The following CNTNAP2 variants were observed in gnomAD, a reference collection of about 807,000 sequenced individuals.
CNTNAP2 encodes the protein contactin-associated protein-like 2.
Under a neutral mutation model 155.2 loss-of-function variants are expected in CNTNAP2, and 98 were observed. The observed-to-expected ratio is 0.63, with a 90% CI of 0.54 to 0.75. CNTNAP2 has a LOEUF of 0.75. Ranked by LOEUF, CNTNAP2 falls within the 30% of genes least tolerant of loss-of-function variation. CNTNAP2 has a pLI of 0.00. For missense variants in CNTNAP2, 1,727 were observed against 1,688.1 expected (o/e 1.02, Z -0.40); for synonymous variants, 651 against 631.2 (o/e 1.03, Z -0.47).
At chr7:147,491,424 A>G (rs1287340629) in intron 11 of CNTNAP2, among the ~76,000 whole-genome samples, 1 of 152,108 alleles carries the variant, frequency 6.6e-6, no homozygotes, top group Non-Finnish European at 1.5e-5. Context: ...AAAGCTTTCC[A>G]TGGCCCTGTA....
At chr7:146,394,577 G>A (rs1795592850) in intron 1 of CNTNAP2, among the ~76,000 whole-genome samples, 1 of 152,020 alleles carries the variant, frequency 6.6e-6, no homozygotes, top group Non-Finnish European at 1.5e-5. Flanking sequence ...AGTGAACAGA[G>A]GTTAAAGGAG....
chr7:148,373,675 A>G (rs1374976865), intron 21 of CNTNAP2, among the ~76,000 whole-genome samples: 2 of 152,168 alleles, frequency 1.3e-5, no homozygotes, highest in Admixed American at 1.3e-4. Flanking sequence ...TGACCACAAA[A>G]ATGTCATGAG....
chr7:147,248,056 C>T (rs1028790702), intron 8 of CNTNAP2, among the ~76,000 whole-genome samples: 2 of 152,016 alleles, frequency 1.3e-5, no homozygotes, highest in African/African-American at 4.8e-5. Flanking sequence ...AGTGGGAGGG[C>T]GTATCCACAG....
At chr7:148,018,751 C>T (rs78533299) in intron 15 of CNTNAP2, among the ~76,000 whole-genome samples, 4 of 152,184 alleles carry the variant, frequency 2.6e-5, no homozygotes, top group East Asian at 1.9e-4. Context: ...GTCCCATGCT[C>T]TCATTTTTGG....
At chr7:146,792,015 C>T (rs1802682697) in intron 2 of CNTNAP2, among the ~76,000 whole-genome samples, 1 of 152,032 alleles carries the variant, frequency 6.6e-6, no homozygotes, top group Non-Finnish European at 1.5e-5. Flanking sequence ...TCTGTGTGAC[C>T]TCATACTCAA....
chr7:148,188,002 T>C (rs1795147060), intron 18 of CNTNAP2, among the ~76,000 whole-genome samples: 1 of 151,488 alleles, frequency 6.6e-6, no homozygotes, highest in Non-Finnish European at 1.5e-5. Flanking sequence ...TGCACACACA[T>C]GCACACACAC....
At chr7:147,532,059 G>A (rs989938335) in intron 11 of CNTNAP2, among the ~76,000 whole-genome samples, 12 of 151,898 alleles carry the variant, frequency 7.9e-5, no homozygotes, top group South Asian at 6.2e-4. Context: ...TGCCCGCCTC[G>A]GCCTCCCAAA....
chr7:146,572,008 C>T (rs879713381), intron 1 of CNTNAP2, among the ~76,000 whole-genome samples: 67 of 152,262 alleles, frequency 4.4e-4, no homozygotes, highest in African/African-American at 6.5e-4. Flanking sequence ...TGTGAGCCAC[C>T]GCACCTGGCC....
intron 1 of CNTNAP2, among the ~76,000 whole-genome samples, chr7:146,607,640 T>G (rs180864435): frequency 6.6e-6 from 1 of 151,888 alleles, no homozygotes; most frequent in Admixed American, 6.6e-5. Context: ...CATATCTCGC[T>G]AATTTTTTAA....
At chr7:147,383,100 G>C (rs1362328426) in intron 9 of CNTNAP2, among the ~76,000 whole-genome samples, 1 of 152,032 alleles carries the variant, frequency 6.6e-6, no homozygotes, top group Non-Finnish European at 1.5e-5. Context: ...GAAAAAAAGT[G>C]ATACTTAATA....
At chr7:147,505,466 T>C (rs1420740062) in intron 11 of CNTNAP2, among the ~76,000 whole-genome samples, 1 of 152,186 alleles carries the variant, frequency 6.6e-6, no homozygotes, top group Non-Finnish European at 1.5e-5. Flanking sequence ...CCACACTATG[T>C]AGTGTACACA....
intron 3 of CNTNAP2, among the ~76,000 whole-genome samples, chr7:146,845,559 T>C (rs1434441254): frequency 1.3e-5 from 2 of 152,232 alleles, no homozygotes; most frequent in East Asian, 3.8e-4. Flanking sequence ...TAGTGTAGTA[T>C]GTTTTTTCAG....
chr7:147,073,338 C>T (rs1283360743), intron 4 of CNTNAP2, among the ~76,000 whole-genome samples: 3 of 148,384 alleles, frequency 2.0e-5, no homozygotes, highest in Non-Finnish European at 4.4e-5. Flanking sequence ...ACCACAAATA[C>T]TGTATGTTCT....
At chr7:147,192,081 G>GTAAA (rs1802690740) in intron 8 of CNTNAP2, among the ~76,000 whole-genome samples, 1 of 152,156 alleles carries the variant, frequency 6.6e-6, no homozygotes, top group South Asian at 2.1e-4. Context: ...ATGTCAATTA[G>GTAAA]TAAATAAATA....
chr7:147,962,717 C>A (rs1176077024), intron 14 of CNTNAP2, among the ~76,000 whole-genome samples: 1 of 152,114 alleles, frequency 6.6e-6, no homozygotes, highest in Non-Finnish European at 1.5e-5. Context: ...TCAAATGCTA[C>A]GTGGTAGGCA....
chr7:147,390,319 GT>G (rs1796689235), intron 9 of CNTNAP2, among the ~76,000 whole-genome samples: 1 of 152,162 alleles, frequency 6.6e-6, no homozygotes, highest in Admixed American at 6.6e-5. Context: ...CTTTGTATTA[GT>G]TATATATTGC....
chr7:147,018,849 C>T (rs899387618), intron 3 of CNTNAP2, among the ~76,000 whole-genome samples: 4 of 151,922 alleles, frequency 2.6e-5, no homozygotes, highest in African/African-American at 7.2e-5. Flanking sequence ...ACAGGCATCT[C>T]CTTCTAAAAA....
At chr7:147,661,408 C>A (rs28729422) in intron 13 of CNTNAP2, among the ~76,000 whole-genome samples, 6,856 of 152,190 alleles carry the variant, frequency 0.045, 502 homozygotes, top group African/African-American at 0.16. Flanking sequence ...TGCTGTCTAA[C>A]GAACCTTCAC....
At chr7:147,411,867 C>G (rs1328603090) in intron 10 of CNTNAP2, among the ~76,000 whole-genome samples, 4 of 152,238 alleles carry the variant, frequency 2.6e-5, no homozygotes, top group African/African-American at 9.6e-5. Context: ...AGATAGCACT[C>G]TCTGCCCAGT....
Sources: allele counts gnomAD v4.1 joint callset (sites outside exome capture counted in the v4.1 genomes callset), GRCh38; gene constraint gnomAD v4.1.1; transcripts MANE v1.5; gene names NCBI Gene and HGNC (gene_info 2026-07-23, HGNC 2026-07-21).